Variants in SPIDR observed in about 807,000 individuals in gnomAD.
The protein encoded by SPIDR is scaffold protein involved in DNA repair.
A neutral mutation model predicts 104.6 loss-of-function variants in SPIDR; 93 were observed. The observed-to-expected ratio is 0.89, with a 90% CI of 0.75 to 1.06. The LOEUF is 1.06. Among genes scored for constraint, SPIDR ranks in the 50% least tolerant of loss-of-function variants. The pLI is 0.00. For synonymous variants in SPIDR, 431 were observed against 416.9 expected, an observed-to-expected ratio of 1.03 and a Z score of -0.41; for missense variants, 1,154 against 1,111.2, an observed-to-expected ratio of 1.04 and a Z score of -0.55.
At chr8:47,700,168 T>G (rs2079950449) in intron 11 of SPIDR, among the ~76,000 whole-genome samples, 1 of 152,342 alleles carries the variant, frequency 6.6e-6, no homozygotes, top group East Asian at 1.9e-4. Flanking sequence ...CGTATACTAT[T>G]TCACTGTGTG....
chr8:47,298,005 T>C (rs1271193566), intron 5 of SPIDR, among the ~76,000 whole-genome samples: 1 of 152,228 alleles, frequency 6.6e-6, no homozygotes, highest in African/African-American at 2.4e-5. Context: ...ATGGTATTTC[T>C]AGTTCTAGAT....
intron 2 of SPIDR, 134 bp downstream of exon 2, chr8:47,280,151 T>G: frequency 1.3e-6 from 1 of 743,802 alleles, no homozygotes; most frequent in Admixed American, 3.3e-5. Context: ...ACTCCTTTTC[T>G]TGCCTTTCAT....
At chr8:47,331,004 C>T (rs1158765036) in intron 5 of SPIDR, 1 of 313,826 alleles carries the variant, frequency 3.2e-6, no homozygotes, top group Non-Finnish European at 6.4e-6. Context: ...ATATTCTTGT[C>T]AGCATTTGGT....
At position 47,681,184 on chromosome 8, in the gene SPIDR, G is replaced by A. The variant is rs560667822; in HGVS notation, c.1685+7243G>A. On this transcript the variant is annotated intron_variant, in intron 11 of 19. Coordinates refer to ENST00000297423, the MANE Select transcript of SPIDR (RefSeq NM_001080394.4). ...TACTTCAAGCCCTTCATCAGTTTAGGAGTATGTTTTGTGTTTTCCCTATAG... is the reference window on the plus strand; with the variant it reads ...TACTTCAAGCCCTTCATCAGTTTAGAAGTATGTTTTGTGTTTTCCCTATAG... 2.8e-3 allele frequency among the ~76,000 whole-genome samples: 420 copies of A among 152,308 alleles called. 1 individual carries two copies. The highest frequency in any genetic ancestry group is 9.9e-3 in the African/African-American group (410 of 41,564).
At chr8:47,462,099 CAGG>C (rs1399504167) in intron 8 of SPIDR, among the ~76,000 whole-genome samples, 2 of 152,124 alleles carry the variant, frequency 1.3e-5, no homozygotes, top group African/African-American at 4.8e-5. Context: ...TTTTGTCCCA[CAGG>C]ATGTTCCCTT....
At chr8:47,556,218 G>A (rs746360119) in intron 8 of SPIDR, among the ~76,000 whole-genome samples, 2 of 152,184 alleles carry the variant, frequency 1.3e-5, no homozygotes, top group Non-Finnish European at 2.9e-5. Flanking sequence ...AAGATAGCTG[G>A]CTGATCTTAG....
chr8:47,363,672 C>T (rs1032957384), intron 5 of SPIDR, among the ~76,000 whole-genome samples: 3 of 151,786 alleles, frequency 2.0e-5, no homozygotes, highest in Non-Finnish European at 2.9e-5. Flanking sequence ...TTTATGTTAT[C>T]GAAATGATAT....
chr8:47,621,890 G>A (rs558701280), intron 10 of SPIDR, among the ~76,000 whole-genome samples: 7 of 152,246 alleles, frequency 4.6e-5, no homozygotes, highest in Middle Eastern at 3.4e-3. Context: ...GCTTGAACCC[G>A]GGAGGCGGAG....
chr8:47,735,255 A>T (rs1258633353), intron 19 of SPIDR, 52 bp from the exon 20 acceptor site: 14 of 1,576,780 alleles, frequency 8.9e-6, no homozygotes, highest in African/African-American at 2.7e-5. Context: ...GTTGTTGGGA[A>T]CAGTACGTCC....
chr8:47,376,855 C>G (rs1265739786), intron 5 of SPIDR, among the ~76,000 whole-genome samples: 2 of 151,978 alleles, frequency 1.3e-5, no homozygotes, highest in African/African-American at 4.8e-5. Context: ...TGCATTTGTT[C>G]TGGATTGGGG....
At chr8:47,566,271 G>T (rs1262816350) in intron 8 of SPIDR, among the ~76,000 whole-genome samples, 3 of 151,802 alleles carry the variant, frequency 2.0e-5, no homozygotes, top group African/African-American at 7.3e-5. Flanking sequence ...CTCCCAAAGT[G>T]CTGGGATTAC....
chr8:47,305,290 A>G (rs2042920236), intron 5 of SPIDR, among the ~76,000 whole-genome samples: 1 of 152,250 alleles, frequency 6.6e-6, no homozygotes, highest in Admixed American at 6.5e-5. Context: ...AATAGACATA[A>G]TCAATGTAAA....
At chr8:47,312,877 C>T (rs1302906330) in intron 5 of SPIDR, among the ~76,000 whole-genome samples, 2 of 152,140 alleles carry the variant, frequency 1.3e-5, no homozygotes, top group South Asian at 2.1e-4. Flanking sequence ...AGTCTTTAAT[C>T]CATCTTGAAT....
chr8:47,308,278 G>C (rs587705753), intron 5 of SPIDR, among the ~76,000 whole-genome samples: 17 of 151,574 alleles, frequency 1.1e-4, no homozygotes, highest in African/African-American at 3.9e-4. Context: ...GCCCAGGCTC[G>C]TCTCAAACTC....
At chr8:47,558,015 A>C (rs1253113400) in intron 8 of SPIDR, among the ~76,000 whole-genome samples, 1 of 152,248 alleles carries the variant, frequency 6.6e-6, no homozygotes, top group Non-Finnish European at 1.5e-5. Context: ...ACATGGATGC[A>C]GCTGGAGGCC....
rs767213405 is a variant in SPIDR, at chr8:47,701,807, CCCCATTTATAAGCT to C, written c.1861_1874del (p.Pro621LeufsTer17). 6.2e-7 allele frequency: 1 copy of C among 1,614,112 alleles called. No homozygotes were observed. Among genetic ancestry groups the C allele is most frequent in the East Asian group, 2.2e-5 (1 of 44,876 alleles). ...GACAAATTGATATAATTGACGAAGA[CCCCATTTATAAGCT>C]TTACCAGCCTCCAGTTACCCGCTGC... On this transcript the variant is annotated frameshift_variant, in exon 13 of 20. Transcript: ENST00000297423. LOFTEE classifies it high-confidence loss of function.
chr8:47,617,036 T>A (rs925945434), intron 10 of SPIDR, among the ~76,000 whole-genome samples: 4 of 152,152 alleles, frequency 2.6e-5, no homozygotes, highest in African/African-American at 4.8e-5. Context: ...TATTTTGTGT[T>A]TTTTTTATAT....
At position 47,625,937 on chromosome 8, in the gene SPIDR, C is replaced by G. The variant is rs1468241119; in HGVS notation, c.1544+26741C>G. 2.0e-5 allele frequency among the ~76,000 whole-genome samples: 3 copies of G among 152,282 alleles called. No individual in the cohort carries two copies. The East Asian group carries it at 5.8e-4, about 29-fold the overall frequency. ...AAGAGCCCGCATTGCCAAGTCAGTC[C>G]TAAGCCAAAAGAACAAAGCTGGAGG... On this transcript the variant is annotated intron_variant, in intron 10 of 19. Transcript: ENST00000297423.
intron 8 of SPIDR, among the ~76,000 whole-genome samples, chr8:47,553,621 T>A (rs906483882): frequency 1.3e-5 from 2 of 152,216 alleles, no homozygotes; most frequent in African/African-American, 4.8e-5. Context: ...TTCTCTACAC[T>A]CTTTATTCTA....
Sources: gnomAD v4.1 joint callset for allele counts (sites outside exome capture counted in the v4.1 genomes callset) on GRCh38, gnomAD v4.1.1 for gene constraint, MANE v1.5 for transcripts, NCBI Gene and HGNC (gene_info 2026-07-23, HGNC 2026-07-21) for gene names.